VAV2: variants seen among roughly 807,000 people sequenced by gnomAD.
VAV2 encodes the protein vav guanine nucleotide exchange factor 2, also known as guanine nucleotide exchange factor VAV2.
A neutral mutation model predicts 132.5 loss-of-function variants in VAV2; 67 were observed. The observed-to-expected ratio is 0.51, with a 90% CI of 0.42 to 0.62. VAV2 has a LOEUF of 0.62. Ranked by LOEUF, VAV2 falls within the 20% of genes least tolerant of loss-of-function variation. The pLI is 0.00. For missense variants in VAV2, 938 were observed against 1,153.6 expected (o/e 0.81, Z 2.71); for synonymous variants, 492 against 443.5 (o/e 1.11, Z -1.37).
intron 26 of VAV2, among the ~76,000 whole-genome samples, chr9:133,771,673 G>A (rs1054139255): frequency 6.6e-6 from 1 of 152,198 alleles, no homozygotes; most frequent in Non-Finnish European, 1.5e-5. Context: ...GGATGGGCAT[G>A]AGAGGAATCT....
intron 2 of VAV2, among the ~76,000 whole-genome samples, chr9:133,873,694 ACT>A (rs940832357): frequency 3.3e-5 from 5 of 152,066 alleles, no homozygotes; most frequent in African/African-American, 1.2e-4. Flanking sequence ...CCACCAGGAA[ACT>A]CTACAGGAAT....
intron 2 of VAV2, among the ~76,000 whole-genome samples, chr9:133,899,157 T>C (rs1839341525): frequency 6.7e-6 from 1 of 149,542 alleles, no homozygotes; most frequent in Non-Finnish European, 1.5e-5. Flanking sequence ...TCACAGAGAG[T>C]TTGTGGGTAT....
rs1166588614 is a variant in VAV2, at chr9:133,794,670, G to A, written c.1101+998C>T. On this transcript the variant is annotated intron_variant, in intron 12 of 29. Coordinates refer to ENST00000371850, the MANE Select transcript of VAV2 (RefSeq NM_001134398.2). The surrounding 1 kb of genome is among the most constrained non-coding windows in gnomAD (Gnocchi z 4.6). ...AGGACTGCAGCCCTGAGGGGGGCTG[G>A]CAGAGGTGTCCTGTGCTCCCGACGA... Among the ~76,000 whole-genome samples, 1 of 152,196 alleles carries A rather than the reference G, an allele frequency of 6.6e-6. No homozygotes were observed. Among genetic ancestry groups the A allele is most frequent in the Non-Finnish European group, 1.5e-5 (1 of 68,022 alleles).
chr9:133,787,855 C>T (rs887213662), intron 15 of VAV2, among the ~76,000 whole-genome samples: 5 of 151,330 alleles, frequency 3.3e-5, no homozygotes, highest in Admixed American at 2.0e-4. Flanking sequence ...CCTGGCCCCA[C>T]CCCAGCAGCC....
chr9:133,961,627 C>G lies in VAV2; in HGVS notation c.205-22408G>C, dbSNP rs1447621382. Among the ~76,000 whole-genome samples, 1 of 152,216 alleles carries G rather than the reference C, an allele frequency of 6.6e-6. No homozygotes were observed. The highest frequency in any genetic ancestry group is 1.5e-5 in the Non-Finnish European group (1 of 68,038). ...CGGGGCTGGTTTGGGAGGCCCAGCC[C>G]AGGTGCTCCAGTCCCCAGAGCACGC... On this transcript the variant is annotated intron_variant, in intron 1 of 29. Transcript: ENST00000371850. This position sits in a 1 kb window ranked among gnomAD's most constrained non-coding sequence, Gnocchi z 4.1.
intron 3 of VAV2, among the ~76,000 whole-genome samples, chr9:133,859,213 C>A (rs1483942483): frequency 6.6e-6 from 1 of 152,234 alleles, no homozygotes; most frequent in African/African-American, 2.4e-5. Context: ...ATGGTCCTCA[C>A]CACCCCCGAA....
chr9:133,767,334 A>T (rs1313297103), intron 29 of VAV2, among the ~76,000 whole-genome samples: 1 of 152,244 alleles, frequency 6.6e-6, no homozygotes, highest in Non-Finnish European at 1.5e-5. Flanking sequence ...AAGCAGATCA[A>T]GGAGACTACA....
chr9:133,944,999 C>T (rs981920225), intron 1 of VAV2, among the ~76,000 whole-genome samples: 2 of 152,224 alleles, frequency 1.3e-5, no homozygotes, highest in African/African-American at 4.8e-5. Context: ...TCCACGGCCG[C>T]CAGGTTTTCC....
chr9:133,912,580 G>A lies in VAV2; in HGVS notation c.321+26523C>T, dbSNP rs955922400. ...CGGGGAGAGGTTCCTGCACCCTAACGTGTTGCTTCTCTGCCCATTTCAATC... is the reference window on the plus strand; with the variant it reads ...CGGGGAGAGGTTCCTGCACCCTAACATGTTGCTTCTCTGCCCATTTCAATC... On this transcript the variant is annotated intron_variant, in intron 2 of 29. Coordinates refer to ENST00000371850, the MANE Select transcript of VAV2 (RefSeq NM_001134398.2). The surrounding 1 kb of genome is among the most constrained non-coding windows in gnomAD (Gnocchi z 4.3). Among the ~76,000 whole-genome samples, 7 of 152,228 alleles carry A rather than the reference G, an allele frequency of 4.6e-5. No homozygotes were observed. The highest frequency in any genetic ancestry group is 2.1e-4 in the South Asian group (1 of 4,814).
intron 1 of VAV2, among the ~76,000 whole-genome samples, chr9:133,988,940 G>A (rs548233085): frequency 5.9e-5 from 9 of 152,002 alleles, no homozygotes; most frequent in South Asian, 4.1e-4. Flanking sequence ...GGCCAGGCAC[G>A]GTGGCTCAAG....
At chr9:133,989,128 C>T (rs1329689484) in intron 1 of VAV2, among the ~76,000 whole-genome samples, 1 of 152,208 alleles carries the variant, frequency 6.6e-6, no homozygotes, top group East Asian at 1.9e-4. Context: ...CACCTGAGGT[C>T]AGGAGTTCAA....
At chr9:133,921,535 TGCCTCTCCCTGCA>T (rs1041329343) in intron 2 of VAV2, among the ~76,000 whole-genome samples, 44 of 152,270 alleles carry the variant, frequency 2.9e-4, no homozygotes, top group African/African-American at 9.1e-4. Context: ...AGCTTCCCAG[TGCCTCTCCCTGCA>T]GCCTCTCCCT....
chr9:133,896,563 C>T (rs191502634), intron 2 of VAV2, among the ~76,000 whole-genome samples: 342 of 152,302 alleles, frequency 2.2e-3, no homozygotes, highest in African/African-American at 5.8e-3. Context: ...AGGCAACTTT[C>T]GTCATTGGCT....
Position 133,769,390 on chromosome 9 carries a change from C to T in VAV2, c.2434+27G>A, listed in dbSNP as rs1010308240. 6.3e-7 allele frequency: 1 copy of T among 1,594,228 alleles called. No individual in the cohort carries two copies. Among genetic ancestry groups the T allele is most frequent in the African/African-American group, 1.3e-5 (1 of 74,518 alleles). On this transcript the variant is annotated intron_variant, in intron 28 of 29. Transcript: ENST00000371850. This position sits in a 1 kb window ranked among gnomAD's most constrained non-coding sequence, Gnocchi z 8.1. The stretch of plus-strand genomic sequence containing the variant: ...CAAGGCAGCTGCCACAGGCCCGGTC[C>T]CCCCACGCCCTGGGGAGCAGCGGTA...
intron 3 of VAV2, among the ~76,000 whole-genome samples, chr9:133,846,301 TGGCACCTCCTGTC>T (rs1375322828): frequency 2.0e-5 from 3 of 151,994 alleles, no homozygotes; most frequent in East Asian, 3.9e-4. Flanking sequence ...GTGTCACCCC[TGGCACCTCCTGTC>T]GGCACCTCCT....
At chr9:133,820,507 A>T (rs939030086) in intron 4 of VAV2, among the ~76,000 whole-genome samples, 41 of 151,958 alleles carry the variant, frequency 2.7e-4, no homozygotes, top group Non-Finnish European at 4.7e-4. Context: ...TTGTATTTTT[A>T]GTAGAGACAG....
chr9:133,877,010 T>C (rs1382740372), intron 2 of VAV2, among the ~76,000 whole-genome samples: 3 of 152,092 alleles, frequency 2.0e-5, no homozygotes, highest in African/African-American at 7.2e-5. Flanking sequence ...AAACCCTTGG[T>C]GTGGCCTTCA....
At position 133,763,819 on chromosome 9, in the gene VAV2, C is replaced by G; in HGVS notation, c.*243G>C. Reference sequence around the variant, plus strand: ...CTGTCGGTGCCCCCTCCTCTGCGCTCTGGGTGGGGCTAGCCCAGGTTTCCT... The same window carrying G: ...CTGTCGGTGCCCCCTCCTCTGCGCTGTGGGTGGGGCTAGCCCAGGTTTCCT... On this transcript the variant is annotated 3_prime_UTR_variant, in exon 30 of 30. Coordinates refer to ENST00000371850, the MANE Select transcript of VAV2 (RefSeq NM_001134398.2). This position sits in a 1 kb window ranked among gnomAD's most constrained non-coding sequence, Gnocchi z 6.8. 1.9e-6 allele frequency: 1 copy of G among 532,534 alleles called. No individual in the cohort carries two copies. The highest frequency in any genetic ancestry group is 3.4e-6 in the Non-Finnish European group (1 of 295,592). 33.0% of individuals were successfully genotyped at this position (532,534 alleles called of 1,614,324 possible).
chr9:133,927,228 T>C (rs904215677), intron 2 of VAV2, among the ~76,000 whole-genome samples: 4 of 152,130 alleles, frequency 2.6e-5, no homozygotes, highest in African/African-American at 4.8e-5. Flanking sequence ...CCCTGGCACA[T>C]GTACCCATGC....
Sources: gnomAD v4.1 joint callset for allele counts (sites outside exome capture counted in the v4.1 genomes callset) on GRCh38, gnomAD v4.1.1 for gene constraint, Gnocchi (gnomAD v3.1) non-coding constraint, MANE v1.5 for transcripts, NCBI Gene and HGNC (gene_info 2026-07-23, HGNC 2026-07-21) for gene names.